Variants in ZNF721 observed in about 807,000 individuals in gnomAD.
ZNF721 encodes zinc finger protein 721.
A neutral mutation model predicts 2.4 loss-of-function variants in ZNF721; 2 were observed. That is an observed-to-expected ratio of 0.82 (90% CI 0.34 to 2.58). The LOEUF is 2.58. Ranked by LOEUF, ZNF721 falls within the 30% of genes most tolerant of loss-of-function variation. ZNF721 has a pLI of 0.11. For missense variants in ZNF721, 1,187 were observed against 1,085.5 expected, an observed-to-expected ratio of 1.09 and a Z score of -1.31; for synonymous variants, 398 against 381.8, an observed-to-expected ratio of 1.04 and a Z score of -0.50.
rs201247673 is a variant in ZNF721 at position 492,791 on chromosome 4, CAA to C, written c.-94+6263_-94+6264del. ...ATTATTTTTCTTTAAGCCTTCTTAC[CAA>C]AAAAAAAAAACAAAAAACCTCACTT... On this transcript the variant is annotated intron_variant, in intron 1 of 2. Coordinates refer to ENST00000511833, the MANE Select transcript of ZNF721 (RefSeq NM_133474.4). Among the ~76,000 whole-genome samples, 495 of 129,280 alleles carry C rather than the reference CAA, an allele frequency of 3.8e-3. 4 individuals are homozygous for C. The highest frequency in any genetic ancestry group is 0.013 in the African/African-American group (480 of 36,522). 84.8% of individuals were successfully genotyped at this position (129,280 alleles called of 152,430 possible).
intron 2 of ZNF721, among the ~76,000 whole-genome samples, chr4:459,457 A>T (rs1714947960): frequency 6.6e-6 from 1 of 152,100 alleles, no homozygotes; most frequent in Non-Finnish European, 1.5e-5. Flanking sequence ...AATATTTACC[A>T]AGCAAATGGA....
At chr4:486,404 G>A (rs781828820) in intron 1 of ZNF721, among the ~76,000 whole-genome samples, 2 of 152,106 alleles carry the variant, frequency 1.3e-5, no homozygotes, top group Admixed American at 6.6e-5. Context: ...ATGACCGCCC[G>A]CCTTGGCCTA....
chr4:488,825 T>C (rs1462703600), intron 1 of ZNF721, among the ~76,000 whole-genome samples: 1 of 150,896 alleles, frequency 6.6e-6, no homozygotes, highest in Non-Finnish European at 1.5e-5. Context: ...CGATACTCCA[T>C]CTCAAAAAAA....
chr4:448,277 A>T (rs562233479), intron 2 of ZNF721, among the ~76,000 whole-genome samples: 1 of 152,210 alleles, frequency 6.6e-6, no homozygotes, highest in South Asian at 2.1e-4. Flanking sequence ...TCTACTAAAA[A>T]TACAAAAAAT....
At chr4:472,301 C>G (rs1213821582) in intron 2 of ZNF721, among the ~76,000 whole-genome samples, 1 of 152,216 alleles carries the variant, frequency 6.6e-6, no homozygotes, top group Non-Finnish European at 1.5e-5. Context: ...ACCTCCTGAT[C>G]TGCCCACCTC....
At chr4:452,230 T>C (rs1190057292) in intron 2 of ZNF721, among the ~76,000 whole-genome samples, 1 of 152,196 alleles carries the variant, frequency 6.6e-6, no homozygotes, top group Non-Finnish European at 1.5e-5. Flanking sequence ...CGGCTGGGGC[T>C]TGCAGCAGGT....
chr4:469,677 T>C (rs1465662959), intron 2 of ZNF721, among the ~76,000 whole-genome samples: 1 of 152,152 alleles, frequency 6.6e-6, no homozygotes, highest in Non-Finnish European at 1.5e-5. Context: ...TTAAACTTTA[T>C]GTAAAGGTTG....
intron 1 of ZNF721, among the ~76,000 whole-genome samples, chr4:485,383 A>G (rs1319760250): frequency 6.6e-6 from 1 of 151,878 alleles, no homozygotes; most frequent in Non-Finnish European, 1.5e-5. Context: ...CACCACGGTC[A>G]GGCCACCTAG....
rs182336183 is a variant in ZNF721, at chr4:444,426, C to A, written c.41G>T (p.Cys14Phe). The change falls in exon 3 of 3, where the codon TGT becomes TTT. Residue 14 changes from cysteine to phenylalanine, a missense_variant. Transcript: ENST00000511833. ...NYRNLVSLAM[C>F]SHFTQDFLPV... is the part of the protein sequence containing the mutation. ...CAAAAAGTCTTGGGTGAAATGAGAA[C>A]ACATAGCTGAAAGAAACAAAAATAA... 45 of 1,568,740 alleles carry A rather than the reference C, an allele frequency of 2.9e-5. No homozygotes were observed. The Admixed American group carries it at 7.3e-4, about 25-fold the overall frequency.
At chr4:478,897 G>C (rs1553869012) in intron 1 of ZNF721, among the ~76,000 whole-genome samples, 1 of 151,678 alleles carries the variant, frequency 6.6e-6, no homozygotes, top group East Asian at 1.9e-4. Context: ...AGCCTTCCGA[G>C]TAGCTGGGAT....
At position 443,031 on chromosome 4, in the gene ZNF721, C is replaced by T. The variant is rs1553863530; in HGVS notation, c.1436G>A (p.Gly479Asp). The change falls in exon 3 of 3, where the codon GGC (glycine) becomes GAC (aspartate). Residue 479 changes from glycine to aspartate, a missense_variant. Coordinates refer to ENST00000511833, the MANE Select transcript of ZNF721 (RefSeq NM_133474.4). ...GCTTGAGGATGAGGTAATGACTTTG[C>T]CACATTGCTTACATTTGTAGGGTTT... ...GKKPYKCKQC[G>D]KVITSSSSFA... 1 of 1,613,836 alleles carries T rather than the reference C, an allele frequency of 6.2e-7. No homozygotes were observed. The highest frequency in any genetic ancestry group is 1.7e-5 in the Admixed American group (1 of 60,018).
chr4:488,554 G>C (rs1353437872), intron 1 of ZNF721, among the ~76,000 whole-genome samples: 1 of 152,244 alleles, frequency 6.6e-6, no homozygotes, highest in South Asian at 2.1e-4. Flanking sequence ...AGAGGAAACC[G>C]GGCGCAGTAG....
intron 2 of ZNF721, among the ~76,000 whole-genome samples, chr4:452,947 C>G (rs1714718614): frequency 6.6e-6 from 1 of 152,224 alleles, no homozygotes; most frequent in African/African-American, 2.4e-5. Context: ...AAAGGGGATA[C>G]TGCTTTTGCA....
At chr4:498,267 G>C (rs1386273475) in intron 1 of ZNF721, among the ~76,000 whole-genome samples, 1 of 151,368 alleles carries the variant, frequency 6.6e-6, no homozygotes, top group South Asian at 2.1e-4. Context: ...GTCCAGAAAG[G>C]CGGGGGCAAC....
At chr4:448,836 A>G (rs1553864481) in intron 2 of ZNF721, among the ~76,000 whole-genome samples, 1 of 152,250 alleles carries the variant, frequency 6.6e-6, no homozygotes, top group Non-Finnish European at 1.5e-5. Flanking sequence ...ATTGTTACTG[A>G]AAGCAAATAA....
intron 1 of ZNF721, among the ~76,000 whole-genome samples, chr4:491,990 T>TAA (rs781964022): frequency 7.0e-6 from 1 of 142,938 alleles, no homozygotes; most frequent in African/African-American, 2.6e-5. Flanking sequence ...CCATCTCTAC[T>TAA]AAAAAAAAAA....
At chr4:448,522 C>T (rs2108692059) in intron 2 of ZNF721, among the ~76,000 whole-genome samples, 1 of 151,812 alleles carries the variant, frequency 6.6e-6, no homozygotes, top group African/African-American at 2.4e-5. Flanking sequence ...ATCTAGACTG[C>T]TCAATGTAAT....
chr4:493,449 C>CA (rs1716074945), intron 1 of ZNF721, among the ~76,000 whole-genome samples: 1 of 152,204 alleles, frequency 6.6e-6, no homozygotes, highest in African/African-American at 2.4e-5. Flanking sequence ...AAGGCCAAGG[C>CA]AGGTGGGTCA....
chr4:460,088 G>A (rs1183585906), intron 2 of ZNF721, among the ~76,000 whole-genome samples: 4 of 152,106 alleles, frequency 2.6e-5, no homozygotes, highest in African/African-American at 4.8e-5. Context: ...TCTGGACCAA[G>A]CAGACGTAAT....
Sources: gnomAD v4.1 joint callset for allele counts (sites outside exome capture counted in the v4.1 genomes callset) on GRCh38, gnomAD v4.1.1 for gene constraint, MANE v1.5 for transcripts, NCBI Gene and HGNC (gene_info 2026-07-23, HGNC 2026-07-21) for gene names.